ZNF800: variants seen among roughly 807,000 people sequenced by gnomAD.
ZNF800 encodes the protein zinc finger protein 800.
In ZNF800, 13 loss-of-function variants were observed where a neutral mutation model predicts 59.5. The observed-to-expected ratio is 0.22, with a 90% CI of 0.14 to 0.35. The LOEUF is 0.35. ZNF800 is among the 10% of genes least tolerant of loss of function. The pLI is 1.00. For synonymous variants in ZNF800, 266 were observed against 265.7 expected (o/e 1.00, Z -0.01); for missense variants, 621 against 783.7 (o/e 0.79, Z 2.48).
chr7:127,370,366 T>C lies in ZNF800; in HGVS notation c.*1448A>G, dbSNP rs1562901854. Reference sequence around the variant, plus strand: ...TGAAGCACATTTAGCTGAAATAACTTCGATTCTGGTTTATTTCCATCACAT... The same window carrying C: ...TGAAGCACATTTAGCTGAAATAACTCCGATTCTGGTTTATTTCCATCACAT... On this transcript the variant is annotated 3_prime_UTR_variant, in exon 6 of 6. Coordinates refer to ENST00000265827, the MANE Select transcript of ZNF800 (RefSeq NM_176814.5). The C allele has an allele frequency of 6.6e-6, 1 of 152,584 alleles. No individual in the cohort carries two copies. Among genetic ancestry groups the C allele is most frequent in the Admixed American group, 6.5e-5 (1 of 15,272 alleles). The allele number at this position is 152,584 out of a possible 1,614,324, so 9.5% of individuals were successfully genotyped here.
chr7:127,386,276 GCA>G (rs1049028130), intron 2 of ZNF800, 121 bp from the exon 3 acceptor site: 7 of 540,426 alleles, frequency 1.3e-5, no homozygotes, highest in Non-Finnish European at 2.0e-5. Context: ...ACTTGTGCCC[GCA>G]CACACACACG....
intron 4 of ZNF800, among the ~76,000 whole-genome samples, chr7:127,375,401 AC>A (rs771168983): frequency 1.3e-5 from 2 of 152,048 alleles, no homozygotes; most frequent in Non-Finnish European, 2.9e-5. Flanking sequence ...AATTCTCGTA[AC>A]TCAATTGATA....
chr7:127,356,000 A>G (rs1053705881), intron 1 of ZNF800, among the ~76,000 whole-genome samples: 4 of 152,042 alleles, frequency 2.6e-5, no homozygotes, highest in African/African-American at 9.7e-5. Flanking sequence ...CAAAAAACAT[A>G]AACCAGGAAA....
intron 3 of ZNF800, among the ~76,000 whole-genome samples, chr7:127,378,903 T>C (rs1208794559): frequency 1.3e-5 from 2 of 152,136 alleles, no homozygotes; most frequent in East Asian, 1.9e-4. Context: ...GGTTTACTCA[T>C]GTTGTAAAAT....
downstream of ZNF800, among the ~76,000 whole-genome samples, chr7:127,365,548 C>CCAAAA (rs140079334): frequency 6.6e-5 from 10 of 152,058 alleles, no homozygotes; most frequent in East Asian, 1.5e-3. Context: ...CTAATGTTTA[C>CCAAAA]CAAAACAAAA....
At chr7:127,389,439 G>A (rs1801239134) in intron 2 of ZNF800, among the ~76,000 whole-genome samples, 1 of 152,008 alleles carries the variant, frequency 6.6e-6, no homozygotes, top group South Asian at 2.1e-4. Context: ...GATCTCCTCT[G>A]GAGACTCACC....
At chr7:127,348,835 C>T (rs12056134) in intron 1 of ZNF800, among the ~76,000 whole-genome samples, 50,614 of 152,100 alleles carry the variant, frequency 0.33, 9,543 homozygotes, top group East Asian at 0.74. Flanking sequence ...CTATATTTAT[C>T]TCAATTCAAA....
chr7:127,386,488 G>A (rs1000648169), intron 2 of ZNF800, among the ~76,000 whole-genome samples: 1 of 152,136 alleles, frequency 6.6e-6, no homozygotes, highest in African/African-American at 2.4e-5. Context: ...TATTCCCCTT[G>A]AAGAGGAACC....
chr7:127,374,701 T>G lies in ZNF800; in HGVS notation c.635A>C (p.Gln212Pro), dbSNP rs779889576. The change falls in exon 5 of 6, where the codon CAG becomes CCG. Residue 212 changes from glutamine (Q) to proline (P), a missense_variant. Physicochemically the swap from Gln to Pro is moderately conservative, Grantham distance 76. Around this residue, in one of 7 missense-constraint regions of ZNF800, gnomAD observed 218 missense variants for 230.8 expected, o/e 0.94. Transcript: ENST00000265827. ...EVAPTSDEQP[Q>P]ESQADLETSD... ...AGTTTCCAAGTCAGCCTGCGACTCCTGAGGTTGTTCATCAGATGTAGGTGC... is the reference window on the plus strand; with the variant it reads ...AGTTTCCAAGTCAGCCTGCGACTCCGGAGGTTGTTCATCAGATGTAGGTGC... 1 of 1,614,054 alleles carries G rather than the reference T, an allele frequency of 6.2e-7. No homozygotes were observed. The highest frequency in any genetic ancestry group is 8.5e-7 in the Non-Finnish European group (1 of 1,179,948).
At chr7:127,352,725 C>T (rs1366684881) in intron 1 of ZNF800, among the ~76,000 whole-genome samples, 21 of 152,144 alleles carry the variant, frequency 1.4e-4, no homozygotes, top group East Asian at 3.9e-4. Flanking sequence ...ACTATGAAGC[C>T]GGTTAAAGGG....
intron 1 of ZNF800, chr7:127,363,524 T>A (rs1800438119): frequency 6.6e-6 from 1 of 151,706 alleles, no homozygotes; most frequent in Admixed American, 6.6e-5. Flanking sequence ...AAGACAGGAC[T>A]CCTACCCTTA....
chr7:127,356,793 C>G (rs997438744), intron 1 of ZNF800, among the ~76,000 whole-genome samples: 1 of 151,586 alleles, frequency 6.6e-6, no homozygotes, highest in Non-Finnish European at 1.5e-5. Context: ...TTTTTTTACT[C>G]TAGATCATAA....
chr7:127,344,176 T>C (rs891739882), downstream of ZNF800, among the ~76,000 whole-genome samples: 1 of 151,934 alleles, frequency 6.6e-6, no homozygotes, highest in Non-Finnish European at 1.5e-5. Flanking sequence ...GAGAATCAAC[T>C]AGGGAGTATT....
intron 1 of ZNF800, chr7:127,360,796 C>T (rs1352086983): frequency 6.6e-6 from 1 of 152,040 alleles, no homozygotes; most frequent in East Asian, 1.9e-4. Context: ...TCACTACAGG[C>T]ATGTAATGAA....
chr7:127,348,431 CAAAA>C (rs72267169), intron 1 of ZNF800, among the ~76,000 whole-genome samples: 3 of 131,012 alleles, frequency 2.3e-5, no homozygotes. Flanking sequence ...AAAAAAATGG[CAAAA>C]AAAAAAAAAA....
intron 1 of ZNF800, chr7:127,363,182 T>C (rs918277228): frequency 3.9e-5 from 6 of 152,230 alleles, no homozygotes; most frequent in South Asian, 2.1e-4. Context: ...GCATTTAAGA[T>C]ACTGGTGACA....
chr7:127,348,888 AC>A (rs1800120739), intron 1 of ZNF800, among the ~76,000 whole-genome samples: 2 of 152,334 alleles, frequency 1.3e-5, no homozygotes, highest in South Asian at 4.1e-4. Flanking sequence ...AAAGTGGTGG[AC>A]ATCAAAAGAT....
chr7:127,381,597 T>C (rs17866346), intron 3 of ZNF800, among the ~76,000 whole-genome samples: 615 of 152,146 alleles, frequency 4.0e-3, no homozygotes, highest in South Asian at 0.015. Flanking sequence ...CTGTTACTCA[T>C]TGGAAATATG....
At chr7:127,379,574 G>A (rs1273530529) in intron 3 of ZNF800, among the ~76,000 whole-genome samples, 2 of 152,076 alleles carry the variant, frequency 1.3e-5, no homozygotes, top group Non-Finnish European at 2.9e-5. Context: ...CTGTAAACAT[G>A]AGGTTATACA....
Sources: allele counts gnomAD v4.1 joint callset (sites outside exome capture counted in the v4.1 genomes callset), GRCh38; gene constraint gnomAD v4.1.1; regional missense constraint gnomAD v4.1.1; transcripts MANE v1.5; gene names NCBI Gene and HGNC (gene_info 2026-07-23, HGNC 2026-07-21).